The following KANSL1L variants were observed in gnomAD, a reference collection of about 807,000 sequenced individuals.
KANSL1L encodes the protein KAT8 regulatory NSL complex subunit 1 like.
Under a neutral mutation model 108.6 loss-of-function variants are expected in KANSL1L, and 25 were observed. The ratio of observed to expected loss-of-function variants is 0.23; its 90% CI spans 0.17 to 0.32. The LOEUF (loss-of-function observed/expected upper bound fraction) is 0.32. KANSL1L is among the 10% of genes least tolerant of loss of function. The pLI is 1.00. For synonymous variants in KANSL1L, 405 were observed against 395.1 expected (o/e 1.03, Z -0.30); for missense variants, 1,137 against 1,125.7 (o/e 1.01, Z -0.14).
chr2:210,141,204 TTTC>T (rs2095226748), intron 2 of KANSL1L, among the ~76,000 whole-genome samples: 1 of 152,004 alleles, frequency 6.6e-6, no homozygotes, highest in African/African-American at 2.4e-5. Flanking sequence ...CTTTTTCTTT[TTTC>T]TTTTCTTTCC....
At chr2:210,151,441 T>C (rs1013081313) in intron 2 of KANSL1L, 6 of 152,144 alleles carry the variant, frequency 3.9e-5, no homozygotes, top group African/African-American at 9.7e-5. Flanking sequence ...TTCACAAGCA[T>C]TGTATATACA....
chr2:210,126,827 T>A (rs1443848358), intron 3 of KANSL1L, among the ~76,000 whole-genome samples: 1 of 152,022 alleles, frequency 6.6e-6, no homozygotes, highest in Non-Finnish European at 1.5e-5. Context: ...CAAAAATATA[T>A]ATAAATAAAT....
Position 210,043,944 on chromosome 2 carries a change from G to A in KANSL1L, c.1916C>T (p.Pro639Leu), listed in dbSNP as rs759194575. Residue 639 changes from proline to leucine, a missense_variant, in exon 7 of 15, where the codon CCA becomes CTA. Transcript: ENST00000281772. ...ATTGTTACAAGGAGGCTTACCTGAT[G>A]GCAATGATAGAACAGAATGGAAAGA... The part of the protein sequence containing the change: ...DSSFHSVLSL[P>L]SDVPLHFHFE... 1.3e-6 allele frequency: 2 copies of A among 1,582,264 alleles called. No homozygotes were observed. Among genetic ancestry groups the A allele is most frequent in the East Asian group, 2.3e-5 (1 of 43,186 alleles).
intron 6 of KANSL1L, among the ~76,000 whole-genome samples, chr2:210,056,080 G>A (rs2094347173): frequency 6.6e-6 from 1 of 152,232 alleles, no homozygotes; most frequent in African/African-American, 2.4e-5. Context: ...TTGGGGTGTG[G>A]TGCCTGCATC....
intron 4 of KANSL1L, among the ~76,000 whole-genome samples, chr2:210,101,899 G>C (rs2094797183): frequency 6.6e-6 from 1 of 152,164 alleles, no homozygotes; most frequent in African/African-American, 2.4e-5. Context: ...TTAGATGCAA[G>C]CAGGCATGAA....
chr2:210,169,632 TAAG>T (rs147205396), intron 1 of KANSL1L, among the ~76,000 whole-genome samples: 94 of 152,276 alleles, frequency 6.2e-4, no homozygotes, highest in Non-Finnish European at 1.0e-3. Context: ...TGGCCTGGAT[TAAG>T]AAGTTTCACA....
intron 3 of KANSL1L, among the ~76,000 whole-genome samples, chr2:210,113,431 A>C (rs1271626775): frequency 2.0e-5 from 3 of 152,188 alleles, no homozygotes; most frequent in Non-Finnish European, 4.4e-5. Context: ...CAAAATAATA[A>C]ACAAAAATGA....
At chr2:210,159,157 C>T (rs1268101834) in intron 1 of KANSL1L, among the ~76,000 whole-genome samples, 1 of 152,184 alleles carries the variant, frequency 6.6e-6, no homozygotes, top group Non-Finnish European at 1.5e-5. Flanking sequence ...TATCAGGTTC[C>T]TGACTACTTT....
At chr2:210,071,252 C>T (rs944795493) in intron 6 of KANSL1L, among the ~76,000 whole-genome samples, 1 of 151,688 alleles carries the variant, frequency 6.6e-6, no homozygotes, top group Non-Finnish European at 1.5e-5. Context: ...CTAAATTCCC[C>T]CTTTTCATTT....
At chr2:210,072,622 C>T (rs565991020) in intron 6 of KANSL1L, among the ~76,000 whole-genome samples, 1 of 152,206 alleles carries the variant, frequency 6.6e-6, no homozygotes, top group Admixed American at 6.5e-5. Context: ...AACCTACATA[C>T]CTCAGATGCA....
At chr2:210,037,726 T>A (rs1007351566) in intron 8 of KANSL1L, among the ~76,000 whole-genome samples, 5 of 152,160 alleles carry the variant, frequency 3.3e-5, no homozygotes, top group Non-Finnish European at 7.4e-5. Context: ...CAGACATGTC[T>A]TTTCATCTAC....
intron 5 of KANSL1L, chr2:210,096,787 G>A (rs1045638754): frequency 3.7e-5 from 35 of 950,182 alleles, no homozygotes; most frequent in East Asian, 2.3e-4. Flanking sequence ...ATATAAAGTC[G>A]AGAAAAAATA....
intron 3 of KANSL1L, 136 bp downstream of exon 3, chr2:210,128,895 T>C (rs941765842): frequency 1.1e-5 from 7 of 622,008 alleles, no homozygotes; most frequent in African/African-American, 7.5e-5. Flanking sequence ...CAATTTATAA[T>C]AATATATCAA....
rs755028023 is a variant in KANSL1L at position 210,154,205 on chromosome 2, A to C, written c.378T>G (p.Leu126=). 9.3e-6 allele frequency: 15 copies of C among 1,614,026 alleles called. No individual in the cohort carries two copies. In the East Asian group the frequency reaches 2.9e-4, roughly 31 times the overall value. The change falls in exon 2 of 15, where the codon CTT becomes CTG. Residue 126 remains leucine, a synonymous_variant. Transcript: ENST00000281772. ...TTTTGATGAACTCTTCAGAATGAGA[A>C]AGACAGATTTTACTGAGCTGAATGT... ...GSNIQLSKIC[L]SHSEEFIKKE... is the part of the protein sequence containing the mutation.
intron 6 of KANSL1L, among the ~76,000 whole-genome samples, chr2:210,069,332 C>T (rs542278744): frequency 6.6e-6 from 1 of 152,298 alleles, no homozygotes; most frequent in Non-Finnish European, 1.5e-5. Flanking sequence ...TACATATTCT[C>T]TAAGATAACA....
At chr2:210,170,923 G>T (rs917825175) in intron 1 of KANSL1L, among the ~76,000 whole-genome samples, 1 of 151,612 alleles carries the variant, frequency 6.6e-6, no homozygotes, top group African/African-American at 2.4e-5. Flanking sequence ...AGGCTGTTAG[G>T]TTTAGCCGTT....
intron 7 of KANSL1L, among the ~76,000 whole-genome samples, chr2:210,042,027 A>C (rs2094169459): frequency 6.6e-6 from 1 of 152,204 alleles, no homozygotes; most frequent in Non-Finnish European, 1.5e-5. Context: ...CCTGAACATA[A>C]ATTTGTTGCA....
At chr2:210,126,646 T>C (rs796330297) in intron 3 of KANSL1L, among the ~76,000 whole-genome samples, 17 of 152,110 alleles carry the variant, frequency 1.1e-4, no homozygotes, top group African/African-American at 4.1e-4. Flanking sequence ...CAAAATCCCG[T>C]CTCTACTAAA....
intron 6 of KANSL1L, among the ~76,000 whole-genome samples, chr2:210,060,368 T>C (rs2094406790): frequency 6.6e-6 from 1 of 152,222 alleles, no homozygotes; most frequent in African/African-American, 2.4e-5. Context: ...TAGGAATAGT[T>C]CTGCCTTATT....
Sources: gnomAD v4.1 joint callset for allele counts (sites outside exome capture counted in the v4.1 genomes callset) on GRCh38, gnomAD v4.1.1 for gene constraint, MANE v1.5 for transcripts, NCBI Gene and HGNC (gene_info 2026-07-23, HGNC 2026-07-21) for gene names.